SAMD5: variants seen among roughly 807,000 people sequenced by gnomAD.
SAMD5 encodes sterile alpha motif domain-containing protein 5.
SAMD5 carries 13 observed loss-of-function variants against 11.3 expected under a neutral mutation model. The ratio of observed to expected loss-of-function variants is 1.15; its 90% CI spans 0.75 to 1.83. The LOEUF is 1.83. Ranked by LOEUF, SAMD5 falls within the 40% of genes most tolerant of loss-of-function variation. SAMD5 has a pLI of 0.00. For synonymous variants in SAMD5, 129 were observed against 111.3 expected, an observed-to-expected ratio of 1.16 and a Z score of -1.00; for missense variants, 255 against 239.1, an observed-to-expected ratio of 1.07 and a Z score of -0.44.
the SAMD5 span, among the ~76,000 whole-genome samples, chr6:147,775,447 A>C: frequency 6.6e-6 from 1 of 152,280 alleles, no homozygotes; most frequent in East Asian, 1.9e-4. Flanking sequence ...TTAACTATTA[A>C]TGTCATCACT....
At chr6:147,764,746 A>C in the SAMD5 span, among the ~76,000 whole-genome samples, 1 of 152,218 alleles carries the variant, frequency 6.6e-6, no homozygotes, top group African/African-American at 2.4e-5. Context: ...TTTTTGAGCA[A>C]AATTTTAAAA....
intron 1 of SAMD5, among the ~76,000 whole-genome samples, chr6:147,583,588 T>C (rs1328057344): frequency 6.6e-6 from 1 of 152,222 alleles, no homozygotes; most frequent in Admixed American, 6.5e-5. Context: ...ACCAGCATAT[T>C]AAATTACATA....
At chr6:147,592,010 C>A (rs11965235) in intron 1 of SAMD5, among the ~76,000 whole-genome samples, 8,987 of 152,064 alleles carry the variant, frequency 0.059, 805 homozygotes, top group African/African-American at 0.2. Context: ...AGAGTTAGTG[C>A]TGGAAAGTAG....
chr6:147,778,857 T>TAA, the SAMD5 span, among the ~76,000 whole-genome samples: 799 of 151,820 alleles, frequency 5.3e-3, 13 homozygotes, highest in African/African-American at 0.018. Context: ...CTGATTTCTC[T>TAA]AAAAAAAATT....
chr6:147,883,445 A>G, the SAMD5 span, among the ~76,000 whole-genome samples: 5 of 152,204 alleles, frequency 3.3e-5, no homozygotes, highest in Admixed American at 6.5e-5. Context: ...TGAGAAACTC[A>G]GAGATGTGAT....
chr6:147,590,115 G>A (rs1789432098), intron 1 of SAMD5, among the ~76,000 whole-genome samples: 1 of 152,132 alleles, frequency 6.6e-6, no homozygotes, highest in Non-Finnish European at 1.5e-5. Context: ...GGTATATAAA[G>A]GCTTTGCTAA....
intron 1 of SAMD5, among the ~76,000 whole-genome samples, chr6:147,662,659 G>A (rs1290359370): frequency 1.3e-5 from 2 of 152,174 alleles, no homozygotes; most frequent in Non-Finnish European, 1.5e-5. Flanking sequence ...TCTTTATCAT[G>A]GGTGAGAGTG....
chr6:147,783,398 G>T, the SAMD5 span, among the ~76,000 whole-genome samples: 1 of 150,624 alleles, frequency 6.6e-6, no homozygotes, highest in Admixed American at 6.6e-5. Context: ...TTTTGCGGGG[G>T]GTCGGGGCGG....
At chr6:147,651,937 C>A (rs762159473) in intron 1 of SAMD5, among the ~76,000 whole-genome samples, 16 of 141,608 alleles carry the variant, frequency 1.1e-4, no homozygotes, top group Non-Finnish European at 1.4e-4. Flanking sequence ...GAGTGGGGGT[C>A]GGAGTCCCAC....
intron 1 of SAMD5, among the ~76,000 whole-genome samples, chr6:147,661,978 C>G (rs190062562): frequency 6.6e-6 from 1 of 152,196 alleles, no homozygotes; most frequent in African/African-American, 2.4e-5. Context: ...AATTTAAGTT[C>G]ACGGTTGCCC....
the SAMD5 span, among the ~76,000 whole-genome samples, chr6:147,924,279 G>A: frequency 2.0e-5 from 3 of 152,148 alleles, no homozygotes; most frequent in East Asian, 2.0e-4. Context: ...AGCCTCTTTG[G>A]TTTACACCTA....
At chr6:147,797,252 A>C in the SAMD5 span, among the ~76,000 whole-genome samples, 4 of 145,010 alleles carry the variant, frequency 2.8e-5, no homozygotes, top group African/African-American at 1.1e-4. Flanking sequence ...ATCAATACCT[A>C]ATTTATTGAG....
the SAMD5 span, among the ~76,000 whole-genome samples, chr6:147,948,196 A>G: frequency 1.3e-5 from 2 of 151,960 alleles, no homozygotes; most frequent in African/African-American, 2.4e-5. Flanking sequence ...CTGTTTTTCT[A>G]GATATGTTGT....
At chr6:147,598,448 T>C (rs746241377) in intron 1 of SAMD5, among the ~76,000 whole-genome samples, 1 of 152,180 alleles carries the variant, frequency 6.6e-6, no homozygotes, top group African/African-American at 2.4e-5. Context: ...TGAAAAAGCA[T>C]GGTTCTCTTT....
At chr6:147,594,649 CA>C (rs59837730) in intron 1 of SAMD5, among the ~76,000 whole-genome samples, 3,211 of 152,206 alleles carry the variant, frequency 0.021, 113 homozygotes, top group African/African-American at 0.074. Flanking sequence ...GAGGATGGAG[CA>C]GGGGGAAGTT....
chr6:147,950,760 C>G, the SAMD5 span, among the ~76,000 whole-genome samples: 1 of 152,070 alleles, frequency 6.6e-6, no homozygotes, highest in Non-Finnish European at 1.5e-5. Context: ...ACAGTCTGTT[C>G]CCGAAAACCC....
At chr6:147,670,372 A>C (rs972680036) in intron 1 of SAMD5, among the ~76,000 whole-genome samples, 3 of 152,228 alleles carry the variant, frequency 2.0e-5, no homozygotes, top group Non-Finnish European at 4.4e-5. Flanking sequence ...AGTCAGCAGC[A>C]TTAGTCCCTA....
the SAMD5 span, among the ~76,000 whole-genome samples, chr6:147,951,785 G>C: frequency 6.6e-6 from 1 of 152,194 alleles, no homozygotes; most frequent in Non-Finnish European, 1.5e-5. Context: ...TTTCGGCAAA[G>C]CAGTCATTCC....
At chr6:147,948,459 T>A in the SAMD5 span, among the ~76,000 whole-genome samples, 17,677 of 152,146 alleles carry the variant, frequency 0.12, 1,193 homozygotes, top group African/African-American at 0.17. Context: ...TCCCTGTGTG[T>A]AATATCTATA....
Sources: gnomAD v4.1 joint callset for allele counts (sites outside exome capture counted in the v4.1 genomes callset) on GRCh38, gnomAD v4.1.1 for gene constraint, MANE v1.5 for transcripts, NCBI Gene and HGNC (gene_info 2026-07-23, HGNC 2026-07-21) for gene names.